The following FOLH1 variants were observed in gnomAD, a reference collection of about 807,000 sequenced individuals.
The protein encoded by FOLH1 is glutamate carboxypeptidase 2.
Under a neutral mutation model 93.9 loss-of-function variants are expected in FOLH1, and 54 were observed. That is an observed-to-expected ratio of 0.57 (90% CI 0.46 to 0.72). FOLH1 has a LOEUF of 0.72. Ranked by LOEUF, FOLH1 falls within the 30% of genes least tolerant of loss-of-function variation. FOLH1 has a pLI of 0.00. For missense variants in FOLH1, 571 were observed against 892.5 expected (o/e 0.64, Z 4.59); for synonymous variants, 249 against 303.6 (o/e 0.82, Z 1.87).
In FOLH1 at chr11:49,175,847, T is replaced by C. The variant is rs748351750; in HGVS notation, c.1019+12A>G. 1.3e-5 allele frequency: 21 copies of C among 1,600,586 alleles called. No homozygotes were observed. The highest frequency in any genetic ancestry group is 1.8e-5 in the Non-Finnish European group (21 of 1,175,372). ...CCCCTTAAAAGAGTTAAAATTAAAATAGTCTCTTAACTGTGTAGAAAAGTT... is the reference window on the plus strand; with the variant it reads ...CCCCTTAAAAGAGTTAAAATTAAAACAGTCTCTTAACTGTGTAGAAAAGTT... On this transcript the variant is annotated intron_variant, in intron 8 of 18. Transcript: ENST00000256999.
intron 13 of FOLH1, among the ~76,000 whole-genome samples, chr11:49,164,209 A>G (rs1268390090): frequency 7.9e-5 from 12 of 152,186 alleles, no homozygotes; most frequent in Admixed American, 7.9e-4. Flanking sequence ...CCCTATCTGA[A>G]AAAATGTAAT....
chr11:49,175,857 A>C lies in FOLH1; in HGVS notation c.1019+2T>G, dbSNP rs1265729734. The C allele has an allele frequency of 4.3e-6, 7 of 1,612,134 alleles. No individual in the cohort carries two copies. Among genetic ancestry groups the C allele is most frequent in the Non-Finnish European group, 5.9e-6 (7 of 1,179,044 alleles). Reference sequence around the variant, plus strand: ...GAGTTAAAATTAAAATAGTCTCTTAACTGTGTAGAAAAGTTTCCAGTAAAG... The same window carrying C: ...GAGTTAAAATTAAAATAGTCTCTTACCTGTGTAGAAAAGTTTCCAGTAAAG... On this transcript the variant is annotated splice_donor_variant, in intron 8 of 18. Coordinates refer to ENST00000256999, the MANE Select transcript of FOLH1 (RefSeq NM_004476.3). LOFTEE classifies it high-confidence loss of function.
chr11:49,168,891 T>C (rs1858817627), intron 12 of FOLH1, among the ~76,000 whole-genome samples: 1 of 151,894 alleles, frequency 6.6e-6, no homozygotes, highest in Non-Finnish European at 1.5e-5. Flanking sequence ...CAGATGAAGC[T>C]AATCAAAGAA....
intron 4 of FOLH1, among the ~76,000 whole-genome samples, chr11:49,187,438 A>G (rs1861541832): frequency 6.6e-6 from 1 of 152,208 alleles, no homozygotes; most frequent in Admixed American, 6.5e-5. Context: ...GCTGCAAAGC[A>G]TGCAATATCT....
At chr11:49,187,823 T>C (rs564048657) in intron 4 of FOLH1, among the ~76,000 whole-genome samples, 1 of 152,334 alleles carries the variant, frequency 6.6e-6, no homozygotes, top group African/African-American at 2.4e-5. Context: ...CTCAAGGTCA[T>C]GTCCCTTTCT....
chr11:49,198,722 T>C (rs1263660180), intron 3 of FOLH1, among the ~76,000 whole-genome samples: 4 of 151,980 alleles, frequency 2.6e-5, no homozygotes. Context: ...ATATGACGTG[T>C]AGTGGTATTG....
intron 11 of FOLH1, among the ~76,000 whole-genome samples, chr11:49,169,600 T>G (rs1225239027): frequency 2.6e-5 from 4 of 152,216 alleles, no homozygotes; most frequent in Admixed American, 2.0e-4. Context: ...GACTTTTCAG[T>G]GAAAATCTTC....
At chr11:49,172,454 C>T (rs1291448331) in intron 10 of FOLH1, among the ~76,000 whole-genome samples, 5 of 152,084 alleles carry the variant, frequency 3.3e-5, no homozygotes, top group South Asian at 2.1e-4. Context: ...TCTTATGCTG[C>T]CACATGCTAG....
chr11:49,149,469 T>C (rs369845879), intron 17 of FOLH1, among the ~76,000 whole-genome samples: 21 of 152,172 alleles, frequency 1.4e-4, no homozygotes, highest in African/African-American at 5.1e-4. Flanking sequence ...CTTTCACATC[T>C]TAGTCTTCAT....
Position 49,156,708 on chromosome 11 carries a change from T to C in FOLH1, c.1623+9A>G. The C allele has an allele frequency of 6.2e-7, 1 of 1,612,560 alleles. No homozygotes were observed. The highest frequency in any genetic ancestry group is 1.1e-5 in the South Asian group (1 of 91,042). ...ATAAATAATCTTAGATAATTTGAGA[T>C]TCACTTACCCAATTTTTAGTATACC... On this transcript the variant is annotated intron_variant, in intron 15 of 18. Transcript: ENST00000256999.
At chr11:49,162,281 CTCT>C (rs1857796633) in intron 13 of FOLH1, among the ~76,000 whole-genome samples, 1 of 152,168 alleles carries the variant, frequency 6.6e-6, no homozygotes, top group Non-Finnish European at 1.5e-5. Flanking sequence ...TAGATTCAGT[CTCT>C]TCACATAATC....
intron 13 of FOLH1, among the ~76,000 whole-genome samples, chr11:49,158,389 A>G (rs878941232): frequency 6.6e-6 from 1 of 152,132 alleles, no homozygotes; most frequent in Admixed American, 6.6e-5. Flanking sequence ...ACTATTTCTC[A>G]TCTCACAACA....
At position 49,200,233 on chromosome 11, in the gene FOLH1, T is replaced by C. The variant is rs563140296; in HGVS notation, c.411+22A>G. 22 of 1,450,056 alleles carry C rather than the reference T, an allele frequency of 1.5e-5. No homozygotes were observed. In the East Asian group the frequency reaches 4.0e-4, roughly 27 times the overall value. 89.8% of individuals were successfully genotyped at this position (1,450,056 alleles called of 1,614,324 possible). A position where few individuals can be genotyped will look rare whatever the true frequency, so the allele number is the denominator to read the frequency against. On this transcript the variant is annotated intron_variant, in intron 3 of 18. Coordinates refer to ENST00000256999, the MANE Select transcript of FOLH1 (RefSeq NM_004476.3). ...GAATAAATGGGGGGAATGTTTCTTT[T>C]ATTTATTTATTTATTTTTTACCTCA...
At chr11:49,187,677 G>T (rs1372387056) in intron 4 of FOLH1, among the ~76,000 whole-genome samples, 1 of 151,670 alleles carries the variant, frequency 6.6e-6, no homozygotes, top group African/African-American at 2.4e-5. Flanking sequence ...ATATATTTGT[G>T]CTGGGCACCA....
chr11:49,188,126 T>A (rs1313313911), intron 4 of FOLH1, among the ~76,000 whole-genome samples: 1 of 152,242 alleles, frequency 6.6e-6, no homozygotes, highest in Non-Finnish European at 1.5e-5. Flanking sequence ...TTAATCACTG[T>A]CAAATTTCCT....
At chr11:49,188,699 C>A (rs1396202966) in intron 4 of FOLH1, among the ~76,000 whole-genome samples, 3 of 151,966 alleles carry the variant, frequency 2.0e-5, no homozygotes, top group Non-Finnish European at 4.4e-5. Flanking sequence ...AGTGGGTGAA[C>A]AAATTATTGC....
chr11:49,151,327 T>A (rs1022490159), intron 17 of FOLH1, among the ~76,000 whole-genome samples: 4 of 152,190 alleles, frequency 2.6e-5, no homozygotes, highest in African/African-American at 9.6e-5. Context: ...TAAGATGCAA[T>A]GGGTTTCGGA....
intron 17 of FOLH1, among the ~76,000 whole-genome samples, chr11:49,152,611 T>G (rs1856610404): frequency 6.6e-6 from 1 of 152,212 alleles, no homozygotes; most frequent in Admixed American, 6.5e-5. Context: ...GTCTTGTTTC[T>G]TACCGATATT....
chr11:49,197,485 A>G (rs1311382407), intron 3 of FOLH1, among the ~76,000 whole-genome samples: 1 of 152,164 alleles, frequency 6.6e-6, no homozygotes, highest in African/African-American at 2.4e-5. Context: ...TAAAAAAGTC[A>G]ATATATAGTT....
Sources: gnomAD v4.1 joint callset for allele counts (sites outside exome capture counted in the v4.1 genomes callset) on GRCh38, gnomAD v4.1.1 for gene constraint, MANE v1.5 for transcripts, NCBI Gene and HGNC (gene_info 2026-07-23, HGNC 2026-07-21) for gene names.